Variants in CAMK1D observed in about 807,000 individuals in gnomAD.
CAMK1D encodes the protein calcium/calmodulin-dependent protein kinase type 1D.
CAMK1D carries 9 observed loss-of-function variants against 47.7 expected under a neutral mutation model. That is an observed-to-expected ratio of 0.19 (90% CI 0.11 to 0.33). The LOEUF (loss-of-function observed/expected upper bound fraction) is 0.33, where lower values mean the gene tolerates loss of function less well. Among genes scored for constraint, CAMK1D ranks in the 10% least tolerant of loss-of-function variants. The probability of loss-of-function intolerance (pLI) is 1.00; values close to 1 mark genes in which losing one functional copy is unlikely to be tolerated. For synonymous variants in CAMK1D, 184 were observed against 184.9 expected (o/e 0.99, Z 0.04); for missense variants, 291 against 488.7 (o/e 0.60, Z 3.81).
At chr10:12,526,177 C>T (rs1188708324) in intron 1 of CAMK1D, among the ~76,000 whole-genome samples, 3 of 152,226 alleles carry the variant, frequency 2.0e-5, no homozygotes, top group African/African-American at 7.2e-5. Flanking sequence ...CCAAGCAAAT[C>T]AGGCTCAGAG....
chr10:12,401,913 A>ATATG (rs1839239727), intron 1 of CAMK1D, among the ~76,000 whole-genome samples: 1 of 150,856 alleles, frequency 6.6e-6, no homozygotes, highest in African/African-American at 2.4e-5. Context: ...ATATATATAT[A>ATATG]TGGACAGAAT....
At chr10:12,791,131 CTG>C (rs1564564785) in intron 5 of CAMK1D, 25 bp from the exon 6 acceptor site, 5 of 1,610,042 alleles carry the variant, frequency 3.1e-6, no homozygotes, top group Non-Finnish European at 4.3e-6. Context: ...AATTGTCAGG[CTG>C]TGTCTTTTCT....
chr10:12,429,975 C>T (rs984088722), intron 1 of CAMK1D, among the ~76,000 whole-genome samples: 5 of 151,984 alleles, frequency 3.3e-5, no homozygotes, highest in East Asian at 3.9e-4. Context: ...CTCCCCACCC[C>T]GGGGAGTCAC....
rs184810288 is a variant in CAMK1D, at chr10:12,825,527, G to A, written c.922-46G>A. On this transcript the variant is annotated intron_variant, in intron 9 of 10. Transcript: ENST00000619168. ...AGAGAACACAGTTAGAGTCTTTTCC[G>A]ATTAGCTGAAATATTTGTCTGCTTT... The A allele has an allele frequency of 8.2e-4, 1,292 of 1,580,402 alleles. 19 individuals carry two copies. In the Admixed American group the frequency reaches 0.021, roughly 25 times the overall value.
chr10:12,516,602 C>T (rs1354796812), intron 1 of CAMK1D, among the ~76,000 whole-genome samples: 1 of 152,184 alleles, frequency 6.6e-6, no homozygotes, highest in Admixed American at 6.5e-5. Flanking sequence ...TGTATTTGCA[C>T]CAGCAGCGTA....
chr10:12,709,579 A>G (rs1268274307), intron 3 of CAMK1D, among the ~76,000 whole-genome samples: 1 of 152,180 alleles, frequency 6.6e-6, no homozygotes, highest in African/African-American at 2.4e-5. Context: ...GCTTTTTCAC[A>G]AGAAAAGGAA....
At chr10:12,625,422 A>G (rs1267092395) in intron 2 of CAMK1D, among the ~76,000 whole-genome samples, 1 of 149,480 alleles carries the variant, frequency 6.7e-6, no homozygotes, top group Non-Finnish European at 1.5e-5. Context: ...GTAACCTTGA[A>G]CTCTTGGGTT....
At chr10:12,633,240 G>C (rs772987872) in intron 2 of CAMK1D, among the ~76,000 whole-genome samples, 1 of 152,136 alleles carries the variant, frequency 6.6e-6, no homozygotes, top group South Asian at 2.1e-4. Context: ...GTACCAGAGA[G>C]GAGCAAAAAA....
chr10:12,567,179 C>T lies in CAMK1D; in HGVS notation c.224+13823C>T, dbSNP rs369364645. Among the ~76,000 whole-genome samples, 21 of 152,260 alleles carry T rather than the reference C, an allele frequency of 1.4e-4. No homozygotes were observed. In the East Asian group the frequency reaches 2.5e-3, roughly 18 times the overall value. On this transcript the variant is annotated intron_variant, in intron 2 of 10. Coordinates refer to ENST00000619168, the MANE Select transcript of CAMK1D (RefSeq NM_153498.4). The stretch of plus-strand genomic sequence containing the variant: ...AGATCGTGGAATGATCTAGAAAATA[C>T]GGCAAATGCTACTCTGGTGTGAGGT...
At chr10:12,700,879 C>A (rs951119242) in intron 3 of CAMK1D, among the ~76,000 whole-genome samples, 7 of 152,122 alleles carry the variant, frequency 4.6e-5, no homozygotes, top group Middle Eastern at 3.2e-3. Flanking sequence ...AAATACAGAT[C>A]GGTGAATAAT....
intron 2 of CAMK1D, among the ~76,000 whole-genome samples, chr10:12,561,233 A>G (rs1245340034): frequency 6.6e-6 from 1 of 152,100 alleles, no homozygotes; most frequent in Non-Finnish European, 1.5e-5. Context: ...CCCATAAAAC[A>G]GGCTTTGAGG....
intron 1 of CAMK1D, among the ~76,000 whole-genome samples, chr10:12,386,850 A>G (rs1178315090): frequency 6.6e-6 from 1 of 152,194 alleles, no homozygotes; most frequent in Non-Finnish European, 1.5e-5. Context: ...GTAAATTCAC[A>G]TACAATATAA....
chr10:12,578,005 C>T (rs1837545068), intron 2 of CAMK1D, among the ~76,000 whole-genome samples: 1 of 152,172 alleles, frequency 6.6e-6, no homozygotes, highest in Non-Finnish European at 1.5e-5. Context: ...CAGCTGCCAG[C>T]GTTTATATTT....
At chr10:12,353,635 G>T (rs1390449548) in intron 1 of CAMK1D, among the ~76,000 whole-genome samples, 1 of 152,140 alleles carries the variant, frequency 6.6e-6, no homozygotes, top group Non-Finnish European at 1.5e-5. Flanking sequence ...GGTCTGGCCT[G>T]GGTTGTCTGA....
rs112892354 is a variant in CAMK1D at position 12,650,513 on chromosome 10, C to G, written c.225-16223C>G. ...CCTCATGCCTGGCACTCCTGGGTCC[C>G]TTCTCTGTGTTTTATGAAGCCTAGG... On this transcript the variant is annotated intron_variant, in intron 2 of 10. Coordinates refer to ENST00000619168, the MANE Select transcript of CAMK1D (RefSeq NM_153498.4). Among the ~76,000 whole-genome samples the G allele has an allele frequency of 2.3e-3, 354 of 152,320 alleles. 4 individuals carry two copies. The highest frequency in any genetic ancestry group is 8.1e-3 in the African/African-American group (338 of 41,562).
chr10:12,682,978 A>G (rs983312675), intron 3 of CAMK1D, among the ~76,000 whole-genome samples: 8 of 151,830 alleles, frequency 5.3e-5, no homozygotes, highest in African/African-American at 1.9e-4. Context: ...CTGGAATGCA[A>G]TGGTGCAATC....
intron 2 of CAMK1D, among the ~76,000 whole-genome samples, chr10:12,592,776 T>C (rs1389069386): frequency 6.6e-6 from 1 of 152,216 alleles, no homozygotes; most frequent in Non-Finnish European, 1.5e-5. Flanking sequence ...ATAGTAATAC[T>C]ACTCATTATT....
At chr10:12,418,747 C>T (rs572494632) in intron 1 of CAMK1D, among the ~76,000 whole-genome samples, 1 of 152,186 alleles carries the variant, frequency 6.6e-6, no homozygotes, top group African/African-American at 2.4e-5. Context: ...AGTATTAAAA[C>T]GAATGAAGGT....
chr10:12,596,214 A>T lies in CAMK1D; in HGVS notation c.224+42858A>T, dbSNP rs867308955. On this transcript the variant is annotated intron_variant, in intron 2 of 10. Coordinates refer to ENST00000619168, the MANE Select transcript of CAMK1D (RefSeq NM_153498.4). ...ACTGTCGACAAAATAAATGTAGTAG[A>T]ATTTCTTTGAGCATTAAAGGATTCA... Among the ~76,000 whole-genome samples the T allele has an allele frequency of 2.6e-5, 4 of 152,152 alleles. No individual in the cohort carries two copies. In the Middle Eastern group the frequency reaches 0.01, roughly 388 times the overall value.
Sources: gnomAD v4.1 joint callset for allele counts (sites outside exome capture counted in the v4.1 genomes callset) on GRCh38, gnomAD v4.1.1 for gene constraint, MANE v1.5 for transcripts, NCBI Gene and HGNC (gene_info 2026-07-23, HGNC 2026-07-21) for gene names.